The following NRXN3 variants were observed in gnomAD, a reference collection of about 807,000 sequenced individuals.
NRXN3 encodes neurexin 3, also known as neurexin III.
Under a neutral mutation model 137.6 loss-of-function variants are expected in NRXN3, and 32 were observed. The ratio of observed to expected loss-of-function variants is 0.23; its 90% CI spans 0.18 to 0.31. NRXN3 has a LOEUF of 0.31. Ranked by LOEUF, NRXN3 falls within the 10% of genes least tolerant of loss-of-function variation. The probability of loss-of-function intolerance (pLI) is 1.00; values close to 1 mark genes in which losing one functional copy is unlikely to be tolerated. For synonymous variants in NRXN3, 798 were observed against 784.5 expected, an observed-to-expected ratio of 1.02 and a Z score of -0.29; for missense variants, 1,574 against 2,062.5, an observed-to-expected ratio of 0.76 and a Z score of 4.59.
intron 15 of NRXN3, among the ~76,000 whole-genome samples, chr14:78,992,065 C>G (rs2099520099): frequency 6.6e-6 from 1 of 152,158 alleles, no homozygotes; most frequent in South Asian, 2.1e-4. Flanking sequence ...AAACAAAAAT[C>G]CTCTGATTGG....
At chr14:79,526,489 A>G (rs920468138) in intron 16 of NRXN3, among the ~76,000 whole-genome samples, 9 of 152,216 alleles carry the variant, frequency 5.9e-5, no homozygotes, top group South Asian at 2.1e-4. Context: ...ATCCTATACA[A>G]TGTTAGCACT....
chr14:79,120,631 A>G (rs1263451773), intron 15 of NRXN3, among the ~76,000 whole-genome samples: 5 of 151,864 alleles, frequency 3.3e-5, no homozygotes, highest in Non-Finnish European at 7.4e-5. Context: ...GAAAGTATCT[A>G]CTCTAAAATT....
chr14:78,436,137 T>C (rs2094057681), intron 4 of NRXN3, among the ~76,000 whole-genome samples: 1 of 152,000 alleles, frequency 6.6e-6, no homozygotes, highest in African/African-American at 2.4e-5. Context: ...TTAGAGGCAG[T>C]GTAGGAATCT....
intron 4 of NRXN3, among the ~76,000 whole-genome samples, chr14:78,636,832 T>TATTTATTTA (rs375104893): frequency 6.6e-6 from 1 of 151,346 alleles, no homozygotes; most frequent in African/African-American, 2.4e-5. Flanking sequence ...TTTTTTTATT[T>TATTTATTTA]TTTATTTTTT....
At chr14:78,765,805 T>A (rs186397473) in intron 8 of NRXN3, among the ~76,000 whole-genome samples, 3 of 152,312 alleles carry the variant, frequency 2.0e-5, no homozygotes, top group Admixed American at 2.0e-4. Flanking sequence ...CCATCCATTA[T>A]TTCTTTGGCT....
At chr14:79,794,692 G>T (rs1291055870) in intron 19 of NRXN3, among the ~76,000 whole-genome samples, 1 of 152,182 alleles carries the variant, frequency 6.6e-6, no homozygotes, top group Non-Finnish European at 1.5e-5. Context: ...TTTGGCCTGA[G>T]AACTTACCCT....
intron 4 of NRXN3, among the ~76,000 whole-genome samples, chr14:78,574,202 G>T (rs2096915363): frequency 6.6e-6 from 1 of 152,268 alleles, no homozygotes; most frequent in African/African-American, 2.4e-5. Context: ...GAAGTTTGCT[G>T]CAGGGGCGAA....
At chr14:79,517,660 T>C (rs2097006694) in intron 16 of NRXN3, among the ~76,000 whole-genome samples, 1 of 109,428 alleles carries the variant, frequency 9.1e-6, no homozygotes, top group South Asian at 2.5e-4. Context: ...TTGATACAAA[T>C]TTAATATTTT....
chr14:78,414,321 C>T (rs944826066), intron 4 of NRXN3, among the ~76,000 whole-genome samples: 1 of 152,038 alleles, frequency 6.6e-6, no homozygotes, highest in African/African-American at 2.4e-5. Context: ...CTTTTATTGA[C>T]ACTGAAGTGT....
chr14:78,393,862 T>A (rs1334584067), intron 4 of NRXN3, among the ~76,000 whole-genome samples: 1 of 152,032 alleles, frequency 6.6e-6, no homozygotes, highest in Non-Finnish European at 1.5e-5. Flanking sequence ...TTTTGAGCAA[T>A]CATAAGTAGT....
At chr14:79,055,655 C>G (rs1180261103) in intron 15 of NRXN3, among the ~76,000 whole-genome samples, 1 of 152,108 alleles carries the variant, frequency 6.6e-6, no homozygotes, top group South Asian at 2.1e-4. Context: ...ACATTCTAAT[C>G]TTAATAGGAA....
intron 15 of NRXN3, among the ~76,000 whole-genome samples, chr14:79,104,565 T>A (rs1368242979): frequency 6.6e-6 from 1 of 152,182 alleles, no homozygotes; most frequent in Non-Finnish European, 1.5e-5. Flanking sequence ...TCAGGCTCTG[T>A]GGAAAATACA....
chr14:79,655,329 T>G (rs2098500272), intron 16 of NRXN3, among the ~76,000 whole-genome samples: 1 of 133,674 alleles, frequency 7.5e-6, no homozygotes, highest in Admixed American at 6.9e-5. Flanking sequence ...AGTTTATACC[T>G]GCAAAGTGGG....
chr14:79,242,434 C>T (rs953853617), intron 15 of NRXN3, among the ~76,000 whole-genome samples: 13 of 152,262 alleles, frequency 8.5e-5, no homozygotes, highest in African/African-American at 2.4e-4. Flanking sequence ...GTCTCCTGCT[C>T]CTGCTAAATG....
intron 15 of NRXN3, among the ~76,000 whole-genome samples, chr14:79,076,050 C>T (rs1158730319): frequency 6.6e-6 from 1 of 152,164 alleles, no homozygotes; most frequent in Non-Finnish European, 1.5e-5. Flanking sequence ...CCTCGTGCAA[C>T]TTTGTGGTAA....
At chr14:79,424,427 A>T (rs951292766) in intron 15 of NRXN3, among the ~76,000 whole-genome samples, 2 of 152,324 alleles carry the variant, frequency 1.3e-5, no homozygotes, top group Non-Finnish European at 1.5e-5. Context: ...ATAGACAATA[A>T]TAATTATGAA....
At chr14:78,744,228 G>A (rs961144159) in intron 8 of NRXN3, among the ~76,000 whole-genome samples, 4 of 152,124 alleles carry the variant, frequency 2.6e-5, no homozygotes, top group East Asian at 1.9e-4. Flanking sequence ...TGCAGCCTCC[G>A]CCTCCCGGGT....
intron 4 of NRXN3, among the ~76,000 whole-genome samples, chr14:78,577,502 GT>G (rs1260515383): frequency 1.3e-5 from 2 of 151,966 alleles, no homozygotes; most frequent in African/African-American, 2.4e-5. Context: ...TTTTGCTCTT[GT>G]TGCCCAGGTT....
intron 3 of NRXN3, among the ~76,000 whole-genome samples, chr14:78,284,282 C>T (rs917585847): frequency 6.6e-6 from 1 of 152,164 alleles, no homozygotes. Context: ...CCCTTCATCT[C>T]TCACCTTTCT....
Sources: allele counts gnomAD v4.1 joint callset (sites outside exome capture counted in the v4.1 genomes callset), GRCh38; gene constraint gnomAD v4.1.1; transcripts MANE v1.5; gene names NCBI Gene and HGNC (gene_info 2026-07-23, HGNC 2026-07-21).